ACSM2B: variants seen among roughly 807,000 people sequenced by gnomAD.
The protein encoded by ACSM2B is acyl-CoA synthetase medium chain family member 2B.
ACSM2B carries 58 observed loss-of-function variants against 78.6 expected under a neutral mutation model. The ratio of observed to expected loss-of-function variants is 0.74; its 90% confidence interval spans 0.60 to 0.92. The LOEUF (loss-of-function observed/expected upper bound fraction) is 0.92. Ranked by LOEUF, ACSM2B falls within the 40% of genes least tolerant of loss-of-function variation. The pLI is 0.00. For synonymous variants in ACSM2B, 257 were observed against 256.8 expected (o/e 1.00, Z -0.01); for missense variants, 688 against 711.2 (o/e 0.97, Z 0.37).
intron 12 of ACSM2B, 53 bp from the exon 13 acceptor site, chr16:20,540,826 C>A: frequency 6.3e-7 from 1 of 1,585,054 alleles, no homozygotes; most frequent in Non-Finnish European, 8.6e-7. Context: ...GTAGTCATCT[C>A]CTGGAATAAT....
At chr16:20,564,612 T>C in intron 2 of ACSM2B, 57 bp downstream of exon 2, 8 of 1,571,812 alleles carry the variant, frequency 5.1e-6, no homozygotes, top group Non-Finnish European at 6.0e-6. Flanking sequence ...AATTAATGGA[T>C]GAATTTTAAA....
chr16:20,545,925 T>G (rs2015127342), intron 9 of ACSM2B, among the ~76,000 whole-genome samples: 1 of 152,184 alleles, frequency 6.6e-6, no homozygotes, highest in Non-Finnish European at 1.5e-5. Context: ...GTATTTTTAC[T>G]AGTGAAAACT....
In ACSM2B at chr16:20,548,046, C is replaced by T. The variant is rs1333213334; in HGVS notation, c.1098+16G>A. ...AAAAAGTGCACACAGCCCATGGTTC[C>T]CCTGGGAACAGGTACCGTTTCTGTC... On this transcript the variant is annotated intron_variant, in intron 8 of 13. Coordinates refer to ENST00000329697, the MANE Select transcript of ACSM2B (RefSeq NM_001105069.2). 6 of 1,613,696 alleles carry T rather than the reference C, an allele frequency of 3.7e-6. No individual in the cohort carries two copies. Among genetic ancestry groups the T allele is most frequent in the Non-Finnish European group, 4.2e-6 (5 of 1,179,718 alleles).
At chr16:20,573,092 C>A (rs2016137764) in intron 1 of ACSM2B, among the ~76,000 whole-genome samples, 1 of 150,768 alleles carries the variant, frequency 6.6e-6, no homozygotes, top group African/African-American at 2.4e-5. Context: ...TGGTTTGGAT[C>A]CATTGCTGGT....
chr16:20,573,584 T>C (rs2016155312), intron 1 of ACSM2B, among the ~76,000 whole-genome samples: 1 of 142,272 alleles, frequency 7.0e-6, no homozygotes, highest in African/African-American at 2.7e-5. Context: ...CAGGGTCTCA[T>C]TCTTTTCCAA....
At chr16:20,538,155 A>G (rs1380469971) in intron 13 of ACSM2B, among the ~76,000 whole-genome samples, 4 of 152,190 alleles carry the variant, frequency 2.6e-5, no homozygotes, top group Admixed American at 1.3e-4. Flanking sequence ...TATTAACTTT[A>G]ATTTAATAAT....
intron 8 of ACSM2B, chr16:20,547,220 G>A (rs1382048771): frequency 1.0e-6 from 1 of 986,912 alleles, no homozygotes; most frequent in Non-Finnish European, 1.2e-6. Flanking sequence ...GGGAATCTGA[G>A]TGTCCTTGTA....
intron 13 of ACSM2B, among the ~76,000 whole-genome samples, chr16:20,538,198 G>C (rs1013046542): frequency 1.3e-4 from 20 of 152,194 alleles, no homozygotes; most frequent in African/African-American, 4.6e-4. Flanking sequence ...TATCTTCTTA[G>C]TGGCTGATAT....
intron 9 of ACSM2B, 148 bp downstream of exon 9, chr16:20,546,246 C>A: frequency 7.2e-7 from 1 of 1,397,204 alleles, no homozygotes; most frequent in Non-Finnish European, 9.4e-7. Flanking sequence ...TCTCTCCTTC[C>A]CCCTAACCTC....
chr16:20,552,072 A>G (rs2015326622), intron 6 of ACSM2B, 72 bp downstream of exon 6: 121 of 1,526,210 alleles, frequency 7.9e-5, no homozygotes, highest in Non-Finnish European at 1.1e-4. Flanking sequence ...ATTGAAACAA[A>G]CTACAAAAAA....
chr16:20,571,539 A>G lies in ACSM2B; in HGVS notation c.-9+4668T>C, dbSNP rs534577918. On this transcript the variant is annotated intron_variant, in intron 1 of 13. Transcript: ENST00000329697. ...CCATGCACTGATGAATAAAATGTGT[A>G]TTCCATGGTTGTTGGGTAGAATGTT... 6.0e-3 allele frequency among the ~76,000 whole-genome samples: 907 copies of G among 150,196 alleles called. 10 individuals are homozygous for G. The highest frequency in any genetic ancestry group is 0.021 in the African/African-American group (865 of 40,974).
At chr16:20,564,567 C>T in intron 2 of ACSM2B, 102 bp downstream of exon 2, 1 of 1,483,122 alleles carries the variant, frequency 6.7e-7, no homozygotes, top group Non-Finnish European at 9.0e-7. Context: ...ATTACAGTGC[C>T]TTACATGTAA....
chr16:20,540,042 G>C (rs557221435), intron 13 of ACSM2B, among the ~76,000 whole-genome samples: 3 of 152,116 alleles, frequency 2.0e-5, no homozygotes, highest in Non-Finnish European at 4.4e-5. Context: ...GAATACTATA[G>C]CAAGAACCCA....
At chr16:20,573,502 G>T (rs1176227635) in intron 1 of ACSM2B, among the ~76,000 whole-genome samples, 3 of 143,770 alleles carry the variant, frequency 2.1e-5, no homozygotes, top group Non-Finnish European at 3.0e-5. Context: ...GGCAAAAAAA[G>T]TTCATTGGAG....
rs898827062 is a variant in ACSM2B at position 20,547,468 on chromosome 16, C to T, written c.1098+594G>A. ...AGTGCTGAGAGTCACAAGTAAGAGG[C>T]ACTGGAAAAAGGAGAAGAAGAGTTG... On this transcript the variant is annotated intron_variant, in intron 8 of 13. Coordinates refer to ENST00000329697, the MANE Select transcript of ACSM2B (RefSeq NM_001105069.2). 9 of 977,776 alleles carry T rather than the reference C, an allele frequency of 9.2e-6. No homozygotes were observed. In the African/African-American group the frequency reaches 1.4e-4, roughly 15 times the overall value. 60.6% of individuals were successfully genotyped at this position (977,776 alleles called of 1,614,324 possible).
Position 20,540,647 on chromosome 16 carries a change from G to A in ACSM2B, c.1629+7C>T. On this transcript the variant is annotated splice_region_variant and intron_variant, in intron 13 of 13. Transcript: ENST00000329697. ...GTTTGAGTGACTTGGGAGCTCAAAG[G>A]CCTTACCTTTCTTGGGTACTTGTAT... The A allele has an allele frequency of 6.2e-7, 1 of 1,613,596 alleles. No homozygotes were observed. Among genetic ancestry groups the A allele is most frequent in the Non-Finnish European group, 8.5e-7 (1 of 1,179,696 alleles).
Position 20,552,274 on chromosome 16 carries a change from T to A in ACSM2B, c.764A>T (p.Asp255Val), listed in dbSNP as rs1228907574. 1 of 1,613,044 alleles carries A rather than the reference T, an allele frequency of 6.2e-7. No individual in the cohort carries two copies. Among genetic ancestry groups the A allele is most frequent in the South Asian group, 1.1e-5 (1 of 90,812 alleles). ...DAGWTGLQAS[D>V]IMWTISDTGW... ...TGTGTCTGATATGGTCCACATTATATCAGAGGCTTGCAGGCCTGTCCAACT... is the reference window on the plus strand; with the variant it reads ...TGTGTCTGATATGGTCCACATTATAACAGAGGCTTGCAGGCCTGTCCAACT... The change falls in exon 6 of 14, where the codon GAT becomes GTT. Residue 255 changes from aspartate (D) to valine (V), a missense_variant. Transcript: ENST00000329697.
At chr16:20,550,578 C>T (rs1178666875) in intron 6 of ACSM2B, among the ~76,000 whole-genome samples, 5 of 152,056 alleles carry the variant, frequency 3.3e-5, no homozygotes, top group African/African-American at 1.2e-4. Flanking sequence ...CAGAGAATGA[C>T]AGTATTATTT....
At chr16:20,549,718 G>A (rs2015245232) in intron 6 of ACSM2B, 3 of 439,348 alleles carry the variant, frequency 6.8e-6, no homozygotes, top group East Asian at 7.6e-5. Context: ...GGTGCACTTT[G>A]GTTTTATACA....
Sources: allele counts gnomAD v4.1 joint callset (sites outside exome capture counted in the v4.1 genomes callset), GRCh38; gene constraint gnomAD v4.1.1; transcripts MANE v1.5; gene names NCBI Gene and HGNC (gene_info 2026-07-23, HGNC 2026-07-21).